The following PARP8 variants were observed in gnomAD, a reference collection of about 807,000 sequenced individuals.
The protein encoded by PARP8 is protein mono-ADP-ribosyltransferase PARP8.
A neutral mutation model predicts 124.1 loss-of-function variants in PARP8; 51 were observed. That is an observed-to-expected ratio of 0.41 (90% CI 0.33 to 0.52). The LOEUF is 0.52. Ranked by LOEUF, PARP8 falls within the 20% of genes least tolerant of loss-of-function variation. PARP8 has a pLI of 0.21. For synonymous variants in PARP8, 391 were observed against 361.5 expected, an observed-to-expected ratio of 1.08 and a Z score of -0.93; for missense variants, 860 against 1,018.9, an observed-to-expected ratio of 0.84 and a Z score of 2.12.
intron 2 of PARP8, among the ~76,000 whole-genome samples, chr5:50,730,864 T>G (rs1232833467): frequency 3.3e-5 from 5 of 152,222 alleles, no homozygotes; most frequent in Non-Finnish European, 5.9e-5. Context: ...CTGCATAAAC[T>G]TAGGCATATT....
intron 3 of PARP8, among the ~76,000 whole-genome samples, chr5:50,751,459 G>A (rs746162156): frequency 2.0e-5 from 3 of 152,138 alleles, no homozygotes; most frequent in Non-Finnish European, 4.4e-5. Context: ...TTTGGTGAAA[G>A]TAGGTTGTTA....
chr5:50,755,643 C>T (rs190745), intron 3 of PARP8, among the ~76,000 whole-genome samples: 32 of 152,164 alleles, frequency 2.1e-4, no homozygotes, highest in Non-Finnish European at 4.6e-4. Flanking sequence ...CTTTTTGCTT[C>T]GGATTGACTT....
intron 2 of PARP8, among the ~76,000 whole-genome samples, chr5:50,686,361 G>A (rs1308591336): frequency 6.6e-6 from 1 of 152,234 alleles, no homozygotes; most frequent in Non-Finnish European, 1.5e-5. Context: ...GGGTTCCCAT[G>A]GTCTTGGGCA....
intron 22 of PARP8, among the ~76,000 whole-genome samples, chr5:50,831,978 G>A (rs1489492012): frequency 6.6e-6 from 1 of 152,124 alleles, no homozygotes; most frequent in Non-Finnish European, 1.5e-5. Flanking sequence ...TTTGCTTTTT[G>A]TTCAGAATTG....
intron 7 of PARP8, among the ~76,000 whole-genome samples, chr5:50,764,378 C>G (rs748690398): frequency 2.6e-5 from 4 of 152,206 alleles, no homozygotes; most frequent in Non-Finnish European, 5.9e-5. Context: ...AAAAGACATT[C>G]ACATTATCTG....
intron 2 of PARP8, among the ~76,000 whole-genome samples, chr5:50,681,611 C>T (rs1751299922): frequency 6.6e-6 from 1 of 152,048 alleles, no homozygotes; most frequent in African/African-American, 2.4e-5. Flanking sequence ...AGTTGTGGAG[C>T]ATTTGCTCCA....
intron 2 of PARP8, among the ~76,000 whole-genome samples, chr5:50,739,730 ATATTTTTT>A (rs1327327676): frequency 4.7e-5 from 2 of 42,268 alleles, no homozygotes; most frequent in African/African-American, 1.2e-4. Flanking sequence ...ATATATATAT[ATATTTTTT>A]TTTTTTTTTT....
chr5:50,709,997 T>TAC (rs1290565525), intron 2 of PARP8, among the ~76,000 whole-genome samples: 67 of 147,456 alleles, frequency 4.5e-4, no homozygotes, highest in Non-Finnish European at 6.0e-4. Context: ...TATACATATA[T>TAC]ACACACACAC....
chr5:50,721,548 C>T (rs1755885010), intron 2 of PARP8, among the ~76,000 whole-genome samples: 1 of 151,972 alleles, frequency 6.6e-6, no homozygotes, highest in Non-Finnish European at 1.5e-5. Flanking sequence ...AGTCAAGGAC[C>T]TGTGACTTAC....
At chr5:50,724,243 T>C (rs1259585894) in intron 2 of PARP8, among the ~76,000 whole-genome samples, 4 of 152,140 alleles carry the variant, frequency 2.6e-5, no homozygotes, top group Non-Finnish European at 5.9e-5. Flanking sequence ...CAAATAAATA[T>C]AGCTCAGTGA....
At chr5:50,693,077 A>T (rs1251383322) in intron 2 of PARP8, among the ~76,000 whole-genome samples, 1 of 152,216 alleles carries the variant, frequency 6.6e-6, no homozygotes, top group Admixed American at 6.5e-5. Flanking sequence ...TTACCAAACT[A>T]AAATGCCAAA....
intron 14 of PARP8, among the ~76,000 whole-genome samples, chr5:50,805,126 G>A (rs1743682483): frequency 6.6e-6 from 1 of 152,040 alleles, no homozygotes; most frequent in Non-Finnish European, 1.5e-5. Flanking sequence ...GGAAGTTTGG[G>A]TTCCTCACTC....
rs755301466 is a variant in PARP8 at position 50,826,824 on chromosome 5, T to C, written c.1977+21T>C. 6 of 1,588,570 alleles carry C rather than the reference T, an allele frequency of 3.8e-6. No homozygotes were observed. The African/African-American group carries it at 4.2e-5, about 11-fold the overall frequency. ...ACAGGGTAAGTTGTTTTTTTTTTTT[T>C]TACATATGCATACAGAAATGGGAGG... On this transcript the variant is annotated intron_variant, in intron 19 of 25. Transcript: ENST00000281631.
chr5:50,788,186 A>ATATATATTAATATAAT (rs1741492947), intron 9 of PARP8, among the ~76,000 whole-genome samples: 5 of 144,570 alleles, frequency 3.5e-5, no homozygotes, highest in African/African-American at 1.3e-4. Flanking sequence ...ATTAATATAT[A>ATATATATTAATATAAT]ATATATTAAT....
chr5:50,772,062 G>C (rs1396654871), intron 7 of PARP8, among the ~76,000 whole-genome samples: 3 of 152,124 alleles, frequency 2.0e-5, no homozygotes, highest in African/African-American at 7.2e-5. Context: ...AATGAGATCA[G>C]CTTTTTTTAG....
At position 50,826,793 on chromosome 5, in the gene PARP8, C is replaced by A; in HGVS notation, c.1967C>A (p.Pro656Gln). 6.3e-7 allele frequency: 1 copy of A among 1,583,842 alleles called. No individual in the cohort carries two copies. The highest frequency in any genetic ancestry group is 8.5e-7 in the Non-Finnish European group (1 of 1,171,178). The change falls in exon 19 of 26, where the codon CCA (proline) becomes CAA (glutamine). Residue 656 changes from proline to glutamine, a missense_variant. Pro to Gln is a moderately conservative substitution (Grantham distance 76). This residue lies in a region of PARP8 where 343 missense variants were observed against 474.7 expected (regional missense o/e 0.72). Coordinates refer to ENST00000281631, the MANE Select transcript of PARP8 (RefSeq NM_024615.4). ...AATAGATCACATATTGTGAAACTGC[C>A]AGTTAACAGGGTAAGTTGTTTTTTT... The part of the protein sequence containing the change: ...SSNRSHIVKL[P>Q]VNRQLKFMHT...
chr5:50,705,041 A>G (rs1392034950), intron 2 of PARP8, among the ~76,000 whole-genome samples: 1 of 152,212 alleles, frequency 6.6e-6, no homozygotes, highest in Non-Finnish European at 1.5e-5. Flanking sequence ...GCAAATTTCA[A>G]ACTGGACAAA....
intron 2 of PARP8, among the ~76,000 whole-genome samples, chr5:50,745,870 G>T (rs1758485006): frequency 1.3e-5 from 2 of 152,124 alleles, no homozygotes; most frequent in African/African-American, 4.8e-5. Flanking sequence ...GAATTCATAT[G>T]GGGTCATAGT....
intron 1 of PARP8, 197 bp from the exon 2 acceptor site, chr5:50,667,874 G>T (rs1749530221): frequency 6.8e-7 from 1 of 1,472,478 alleles, no homozygotes; most frequent in South Asian, 1.3e-5. Context: ...GTTGCGGGGG[G>T]CGGCCTCCCG....
Sources: allele counts gnomAD v4.1 joint callset (sites outside exome capture counted in the v4.1 genomes callset), GRCh38; gene constraint gnomAD v4.1.1; regional missense constraint gnomAD v4.1.1; transcripts MANE v1.5; gene names NCBI Gene and HGNC (gene_info 2026-07-23, HGNC 2026-07-21).